SPTLC3: variants seen among roughly 807,000 people sequenced by gnomAD.
The protein encoded by SPTLC3 is serine palmitoyltransferase long chain base subunit 3, also known as serine palmitoyltransferase 3.
Under a neutral mutation model 59.3 loss-of-function variants are expected in SPTLC3, and 36 were observed. The ratio of observed to expected loss-of-function variants is 0.61; its 90% CI spans 0.47 to 0.80. SPTLC3 has a LOEUF of 0.80. Among genes scored for constraint, SPTLC3 ranks in the 30% least tolerant of loss-of-function variants. The pLI is 0.00. For synonymous variants in SPTLC3, 257 were observed against 240.8 expected, an observed-to-expected ratio of 1.07 and a Z score of -0.62; for missense variants, 625 against 685.1, an observed-to-expected ratio of 0.91 and a Z score of 0.98.
At chr20:13,156,833 T>C (rs1007003589) in intron 10 of SPTLC3, among the ~76,000 whole-genome samples, 3 of 152,194 alleles carry the variant, frequency 2.0e-5, no homozygotes, top group Admixed American at 2.0e-4. Flanking sequence ...CAAGGTTGAA[T>C]CACCACGGTT....
At position 13,072,279 on chromosome 20, in the gene SPTLC3, C is replaced by T. The variant is rs764092035; in HGVS notation, c.327C>T (p.Asp109=). Residue 109 remains aspartate (D), a synonymous_variant, in exon 3 of 12, where the codon GAC becomes GAT. Transcript: ENST00000399002. ...EQKDFVPLYQ[D]FENFYTRNLY... is the part of the protein sequence containing the mutation. ...AGGATTTTGTGCCACTGTATCAAGA[C>T]TTTGAAAATTTTTATACAAGAAACC... is the stretch of plus-strand genomic sequence containing the variant. The T allele has an allele frequency of 8.7e-6, 14 of 1,613,356 alleles. No individual in the cohort carries two copies. Among genetic ancestry groups the T allele is most frequent in the Non-Finnish European group, 1.0e-5 (12 of 1,179,788 alleles).
At chr20:13,102,479 T>A (rs935267144) in intron 6 of SPTLC3, among the ~76,000 whole-genome samples, 69 of 152,310 alleles carry the variant, frequency 4.5e-4, no homozygotes, top group African/African-American at 1.6e-3. Context: ...ACCTAGGAAG[T>A]CTGACTCCAG....
intron 1 of SPTLC3, among the ~76,000 whole-genome samples, chr20:13,037,073 A>G (rs1986769863): frequency 6.6e-6 from 1 of 152,174 alleles, no homozygotes; most frequent in African/African-American, 2.4e-5. Context: ...CCCTTATGCC[A>G]CAGGAAGGTT....
At chr20:13,053,955 G>A (rs1171131207) in intron 2 of SPTLC3, among the ~76,000 whole-genome samples, 1 of 152,178 alleles carries the variant, frequency 6.6e-6, no homozygotes, top group Non-Finnish European at 1.5e-5. Context: ...AACCAAGTTG[G>A]AAAACACTCT....
intron 4 of SPTLC3, among the ~76,000 whole-genome samples, chr20:13,082,396 A>G (rs1600261323): frequency 6.6e-6 from 1 of 152,228 alleles, no homozygotes; most frequent in Admixed American, 6.5e-5. Flanking sequence ...CATCAAGATC[A>G]GAGGTCACTA....
At chr20:13,090,979 T>C in intron 4 of SPTLC3, 104 bp from the exon 5 acceptor site, 1 of 1,477,756 alleles carries the variant, frequency 6.8e-7, no homozygotes, top group Non-Finnish European at 9.2e-7. Context: ...CTACAAGCAC[T>C]CTTGTATAGG....
intron 6 of SPTLC3, among the ~76,000 whole-genome samples, chr20:13,095,227 A>C (rs1989369721): frequency 6.6e-6 from 1 of 152,230 alleles, no homozygotes; most frequent in Admixed American, 6.5e-5. Context: ...ATAGCTAGGC[A>C]GTCATTCAAC....
chr20:13,031,725 C>A lies in SPTLC3; in HGVS notation c.118-17220C>A, dbSNP rs141016404. On this transcript the variant is annotated intron_variant, in intron 1 of 11. Transcript: ENST00000399002. ...CAGGTACACGCACGTGGAAGTCAAG[C>A]TTTGCACAGTGTTTGCAGCTACTAG... is the stretch of plus-strand genomic sequence containing the variant. Among the ~76,000 whole-genome samples, 42 of 152,246 alleles carry A rather than the reference C, an allele frequency of 2.8e-4. No homozygotes were observed. In the East Asian group the frequency reaches 7.6e-3, roughly 27 times the overall value.
chr20:13,163,793 T>C (rs147421174), intron 11 of SPTLC3, among the ~76,000 whole-genome samples: 3 of 152,314 alleles, frequency 2.0e-5, no homozygotes, highest in Non-Finnish European at 2.9e-5. Context: ...GACCCTAATA[T>C]TATCTTCCTC....
At chr20:13,118,673 A>T in intron 8 of SPTLC3, among the ~76,000 whole-genome samples, 1 of 152,170 alleles carries the variant, frequency 6.6e-6, no homozygotes, top group East Asian at 1.9e-4. Context: ...TCAGCCTAGG[A>T]TGCCACACCA....
At chr20:13,033,225 A>G (rs770971509) in intron 1 of SPTLC3, among the ~76,000 whole-genome samples, 1 of 152,208 alleles carries the variant, frequency 6.6e-6, no homozygotes, top group Non-Finnish European at 1.5e-5. Flanking sequence ...TTCTGATAGT[A>G]TGTGTGTATT....
At chr20:13,010,541 A>G (rs74573477) in intron 1 of SPTLC3, among the ~76,000 whole-genome samples, 1 of 152,314 alleles carries the variant, frequency 6.6e-6, no homozygotes, top group Non-Finnish European at 1.5e-5. Flanking sequence ...CAACGCTGGG[A>G]GGTGTCTATC....
At chr20:13,164,639 G>T in intron 11 of SPTLC3, 115 bp from the exon 12 acceptor site, 1 of 751,504 alleles carries the variant, frequency 1.3e-6, no homozygotes, top group Non-Finnish European at 2.2e-6. Context: ...TAAAATCAAA[G>T]AAGCTAGCAA....
chr20:13,156,084 A>G (rs2038762165), intron 10 of SPTLC3, among the ~76,000 whole-genome samples: 1 of 152,206 alleles, frequency 6.6e-6, no homozygotes, highest in Non-Finnish European at 1.5e-5. Context: ...ACACACAGAC[A>G]CACATACATT....
intron 10 of SPTLC3, among the ~76,000 whole-genome samples, chr20:13,157,808 G>A (rs894636007): frequency 1.3e-5 from 2 of 152,198 alleles, no homozygotes; most frequent in African/African-American, 4.8e-5. Context: ...TTTGTTGGAA[G>A]TTTATATGTA....
chr20:13,044,772 T>A (rs2122485222), intron 1 of SPTLC3, among the ~76,000 whole-genome samples: 1 of 152,238 alleles, frequency 6.6e-6, no homozygotes, highest in East Asian at 1.9e-4. Context: ...ATTTGAGGCC[T>A]CGAAAAATTA....
chr20:13,022,915 G>A (rs543182176), intron 1 of SPTLC3, among the ~76,000 whole-genome samples: 1 of 152,158 alleles, frequency 6.6e-6, no homozygotes, highest in African/African-American at 2.4e-5. Context: ...ACGACCATAA[G>A]GCCCCACAGC....
At chr20:13,031,037 G>T (rs1986416630) in intron 1 of SPTLC3, among the ~76,000 whole-genome samples, 1 of 152,058 alleles carries the variant, frequency 6.6e-6, no homozygotes, top group South Asian at 2.1e-4. Flanking sequence ...AAGCTATTCA[G>T]TCTCTGTTAC....
At chr20:13,150,860 T>C (rs2038625568) in intron 9 of SPTLC3, among the ~76,000 whole-genome samples, 1 of 152,214 alleles carries the variant, frequency 6.6e-6, no homozygotes. Flanking sequence ...GCTTTTTGTG[T>C]GGTTAGTACT....
Sources: gnomAD v4.1 joint callset for allele counts (sites outside exome capture counted in the v4.1 genomes callset) on GRCh38, gnomAD v4.1.1 for gene constraint, MANE v1.5 for transcripts, NCBI Gene and HGNC (gene_info 2026-07-23, HGNC 2026-07-21) for gene names.